The following NDUFB5 variants were observed in gnomAD, a reference collection of about 807,000 sequenced individuals.
NDUFB5 encodes NADH:ubiquinone oxidoreductase subunit B5.
In NDUFB5, 19 loss-of-function variants were observed where a neutral mutation model predicts 19.4. The observed-to-expected ratio is 0.98, with a 90% CI of 0.68 to 1.43. The LOEUF (loss-of-function observed/expected upper bound fraction) is 1.43. Ranked by LOEUF, NDUFB5 falls within the 40% of genes most tolerant of loss-of-function variation. NDUFB5 has a pLI of 0.00. For synonymous variants in NDUFB5, 80 were observed against 82.6 expected, an observed-to-expected ratio of 0.97 and a Z score of 0.17; for missense variants, 233 against 236.5, an observed-to-expected ratio of 0.99 and a Z score of 0.10.
At chr3:179,607,791 T>C (rs534594541) in intron 1 of NDUFB5, 8 of 701,670 alleles carry the variant, frequency 1.1e-5, no homozygotes, top group South Asian at 7.4e-5. Flanking sequence ...GTCTTTATGA[T>C]TTTGACTACT....
chr3:179,608,610 A>C (rs1211190320), intron 1 of NDUFB5, among the ~76,000 whole-genome samples: 2 of 152,206 alleles, frequency 1.3e-5, no homozygotes, highest in Non-Finnish European at 2.9e-5. Context: ...ATATGTCTAC[A>C]TGTAAGTGTG....
rs1719608807 is a variant in NDUFB5 at position 179,624,149 on chromosome 3, C to T, written c.*109C>T. ...AAAAACAAAAGAGCCTCTGACATTA[C>T]TGTCTCTCAGTGTTGGTTCAGATTG... On this transcript the variant is annotated 3_prime_UTR_variant, in exon 6 of 6. Coordinates refer to ENST00000259037, the MANE Select transcript of NDUFB5 (RefSeq NM_002492.4). 1 of 1,028,510 alleles carries T rather than the reference C, an allele frequency of 9.7e-7. No homozygotes were observed. The highest frequency in any genetic ancestry group is 3.1e-5 in the Admixed American group (1 of 32,698). 63.7% of individuals were successfully genotyped at this position (1,028,510 alleles called of 1,614,324 possible). A position where few individuals can be genotyped will look rare whatever the true frequency, so the allele number is the denominator to read the frequency against.
At chr3:179,605,039 G>A (rs554718693) in intron 1 of NDUFB5, 100 bp downstream of exon 1, 116 of 1,409,606 alleles carry the variant, frequency 8.2e-5, no homozygotes, top group Non-Finnish European at 1.0e-4. Flanking sequence ...AGGGAGCCGG[G>A]ACAAGTTGTG....
chr3:179,618,669 CT>C (rs1451891047), intron 5 of NDUFB5, 148 bp downstream of exon 5: 1 of 597,908 alleles, frequency 1.7e-6, no homozygotes, highest in Non-Finnish European at 2.9e-6. Flanking sequence ...TGGCTCACAC[CT>C]GTAATCCCAG....
At chr3:179,620,521 A>G in intron 5 of NDUFB5, among the ~76,000 whole-genome samples, 1 of 152,094 alleles carries the variant, frequency 6.6e-6, no homozygotes, top group Non-Finnish European at 1.5e-5. Flanking sequence ...ATGCGGCATT[A>G]TTTCTGAGGG....
chr3:179,617,897 T>G (rs1719423500), intron 4 of NDUFB5, among the ~76,000 whole-genome samples: 1 of 152,212 alleles, frequency 6.6e-6, no homozygotes, highest in Non-Finnish European at 1.5e-5. Flanking sequence ...AAATCCAAAA[T>G]TAATTTTGTT....
Position 179,616,109 on chromosome 3 carries a change from A to G in NDUFB5, c.280+60A>G, listed in dbSNP as rs550546192. Reference sequence around the variant, plus strand: ...ATTGGAAAAATTTTTAAACATATGTACATTAATATAAAAAAGAAATTATGG... The same window carrying G: ...ATTGGAAAAATTTTTAAACATATGTGCATTAATATAAAAAAGAAATTATGG... On this transcript the variant is annotated intron_variant, in intron 3 of 5. Coordinates refer to ENST00000259037, the MANE Select transcript of NDUFB5 (RefSeq NM_002492.4). 28 of 1,190,954 alleles carry G rather than the reference A, an allele frequency of 2.4e-5. 1 individual carries two copies. The South Asian group carries it at 3.7e-4, about 16-fold the overall frequency. The allele number at this position is 1,190,954 out of a possible 1,614,324, so 73.8% of individuals were successfully genotyped here. A position where few individuals can be genotyped will look rare whatever the true frequency, so the allele number is the denominator to read the frequency against.
chr3:179,610,188 A>G (rs552925101), intron 1 of NDUFB5, among the ~76,000 whole-genome samples: 64 of 152,136 alleles, frequency 4.2e-4, no homozygotes, highest in African/African-American at 1.4e-3. Context: ...AACCTCCTAG[A>G]CTCAGGTGAT....
At position 179,623,907 on chromosome 3, in the gene NDUFB5, C is replaced by G. The variant is rs141234311; in HGVS notation, c.450-13C>G. The stretch of plus-strand genomic sequence containing the variant: ...GTGCTGGAATCTCAATATTGCTGTT[C>G]CATTTGTTACAGGGTAAAGGAGCTG... On this transcript the variant is annotated splice_polypyrimidine_tract_variant and intron_variant, in intron 5 of 5. Coordinates refer to ENST00000259037, the MANE Select transcript of NDUFB5 (RefSeq NM_002492.4). The G allele has an allele frequency of 2.4e-4, 394 of 1,613,110 alleles. 3 individuals carry two copies. The East Asian group carries it at 8.2e-3, about 33-fold the overall frequency.
intron 5 of NDUFB5, among the ~76,000 whole-genome samples, chr3:179,622,097 A>T (rs1200728822): frequency 2.0e-5 from 3 of 152,106 alleles, no homozygotes; most frequent in Non-Finnish European, 2.9e-5. Flanking sequence ...CCTCCTGAGT[A>T]GCTGGGACCA....
At chr3:179,608,287 G>T (rs1719156083) in intron 1 of NDUFB5, among the ~76,000 whole-genome samples, 1 of 152,016 alleles carries the variant, frequency 6.6e-6, no homozygotes, top group Admixed American at 6.6e-5. Flanking sequence ...TGCCTCCTGG[G>T]TTCAGGCGAT....
intron 5 of NDUFB5, among the ~76,000 whole-genome samples, chr3:179,618,747 A>C (rs1175963434): frequency 6.6e-6 from 1 of 152,124 alleles, no homozygotes. Flanking sequence ...GCTACTCAAG[A>C]GGCTGAGGCA....
rs1284565371 is a variant in NDUFB5, at chr3:179,624,784, T to C, written c.*744T>C. The C allele has an allele frequency of 2.7e-5, 4 of 145,752 alleles. No homozygotes were observed. The highest frequency in any genetic ancestry group is 1.5e-5 in the Non-Finnish European group (1 of 67,014). The allele number at this position is 145,752 out of a possible 1,614,324, so 9.0% of individuals were successfully genotyped here. A position where few individuals can be genotyped will look rare whatever the true frequency, so the allele number is the denominator to read the frequency against. On this transcript the variant is annotated 3_prime_UTR_variant, in exon 6 of 6. Transcript: ENST00000259037. Reference sequence around the variant, plus strand: ...ATTAAATAACTGCATTTTTTAACATTATTTTCTTTTCTTTTTTTTTTTTTT... The same window carrying C: ...ATTAAATAACTGCATTTTTTAACATCATTTTCTTTTCTTTTTTTTTTTTTT...
chr3:179,615,076 TGTTGAATTAAA>T lies in NDUFB5; in HGVS notation c.213+20_213+30del, dbSNP rs775884084. The T allele has an allele frequency of 5.1e-6, 8 of 1,577,710 alleles. No individual in the cohort carries two copies. The highest frequency in any genetic ancestry group is 4.0e-5 in the African/African-American group (3 of 74,110). ...AAGTTATTGGTAAGTTTAAATTTTT[TGTTGAATTAAA>T]GTCTTTGCATGTAACAGGGAAAAAA... On this transcript the variant is annotated intron_variant, in intron 2 of 5. Coordinates refer to ENST00000259037, the MANE Select transcript of NDUFB5 (RefSeq NM_002492.4).
chr3:179,614,276 A>AG (rs1491203221), intron 1 of NDUFB5, among the ~76,000 whole-genome samples: 1 of 152,154 alleles, frequency 6.6e-6, no homozygotes, highest in East Asian at 1.9e-4. Flanking sequence ...AAATTCTGTC[A>AG]GGGGGAGACT....
chr3:179,608,404 G>T (rs1210157756), intron 1 of NDUFB5, among the ~76,000 whole-genome samples: 1 of 152,050 alleles, frequency 6.6e-6, no homozygotes, highest in Non-Finnish European at 1.5e-5. Flanking sequence ...TGTTGGCCAG[G>T]CTGGTCTTGA....
In NDUFB5 at chr3:179,616,063, A is replaced by G. The variant is rs948847505; in HGVS notation, c.280+14A>G. On this transcript the variant is annotated intron_variant, in intron 3 of 5. Transcript: ENST00000259037. The stretch of plus-strand genomic sequence containing the variant: ...ATGTATTCATTGGTAAGTCACTTCC[A>G]TCCCCTGCCAGCACCACCAGATTGG... The G allele has an allele frequency of 1.2e-6, 2 of 1,607,482 alleles. No individual in the cohort carries two copies. The highest frequency in any genetic ancestry group is 1.3e-5 in the African/African-American group (1 of 74,620).
At chr3:179,614,048 T>C (rs1719314543) in intron 1 of NDUFB5, among the ~76,000 whole-genome samples, 1 of 152,196 alleles carries the variant, frequency 6.6e-6, no homozygotes, top group South Asian at 2.1e-4. Flanking sequence ...AAGTTTTTTA[T>C]TCTACAGTGA....
intron 1 of NDUFB5, among the ~76,000 whole-genome samples, chr3:179,606,843 G>T (rs142546861): frequency 2.2e-4 from 33 of 152,142 alleles, no homozygotes; most frequent in Non-Finnish European, 4.4e-5. Context: ...CCACTCCACA[G>T]GATGAGGCAA....
Sources: allele counts gnomAD v4.1 joint callset (sites outside exome capture counted in the v4.1 genomes callset), GRCh38; gene constraint gnomAD v4.1.1; transcripts MANE v1.5; gene names NCBI Gene and HGNC (gene_info 2026-07-23, HGNC 2026-07-21).